The following RABGAP1L variants were observed in gnomAD, a reference collection of about 807,000 sequenced individuals.
RABGAP1L encodes RAB GTPase activating protein 1 like, also known as rab GTPase-activating protein 1-like.
RABGAP1L carries 63 observed loss-of-function variants against 137.7 expected under a neutral mutation model. The ratio of observed to expected loss-of-function variants is 0.46; its 90% CI spans 0.37 to 0.56. RABGAP1L has a LOEUF of 0.56. RABGAP1L is among the 20% of genes least tolerant of loss of function. The probability of loss-of-function intolerance (pLI) is 0.00; values close to 1 mark genes in which losing one functional copy is unlikely to be tolerated. For synonymous variants in RABGAP1L, 431 were observed against 433.7 expected (o/e 0.99, Z 0.08); for missense variants, 1,095 against 1,244.0 (o/e 0.88, Z 1.80).
intron 14 of RABGAP1L, among the ~76,000 whole-genome samples, chr1:174,662,037 A>G (rs943671641): frequency 6.6e-6 from 1 of 152,078 alleles, no homozygotes; most frequent in Non-Finnish European, 1.5e-5. Context: ...TTCTACTTAT[A>G]AAATAACCAT....
At chr1:174,742,866 A>T (rs986408833) in intron 17 of RABGAP1L, among the ~76,000 whole-genome samples, 3 of 152,228 alleles carry the variant, frequency 2.0e-5, no homozygotes, top group Non-Finnish European at 4.4e-5. Context: ...TGTTCAGGTC[A>T]TACCTCCCTA....
chr1:174,860,008 T>C (rs1650022191), intron 19 of RABGAP1L, among the ~76,000 whole-genome samples: 1 of 138,206 alleles, frequency 7.2e-6, no homozygotes, highest in Non-Finnish European at 1.5e-5. Context: ...CTATCTAAGC[T>C]CACATGGTAT....
chr1:174,858,353 CAG>C (rs1553266140), intron 19 of RABGAP1L, among the ~76,000 whole-genome samples: 1 of 152,068 alleles, frequency 6.6e-6, no homozygotes, highest in African/African-American at 2.4e-5. Flanking sequence ...TGGTCCTCAA[CAG>C]GGAGTGATTT....
At chr1:174,616,429 C>T (rs1217152952) in intron 13 of RABGAP1L, among the ~76,000 whole-genome samples, 2 of 152,206 alleles carry the variant, frequency 1.3e-5, no homozygotes, top group Non-Finnish European at 2.9e-5. Flanking sequence ...CTGCCTGCTT[C>T]TCTAATTCTG....
chr1:174,606,852 T>G (rs1670831261), intron 13 of RABGAP1L, among the ~76,000 whole-genome samples: 1 of 152,200 alleles, frequency 6.6e-6, no homozygotes, highest in Admixed American at 6.5e-5. Flanking sequence ...TTTTTGCCTC[T>G]TAATTAAATA....
chr1:174,877,567 C>A (rs372000472), intron 19 of RABGAP1L: 6 of 1,613,846 alleles, frequency 3.7e-6, no homozygotes, highest in East Asian at 4.5e-5. Context: ...TGAAGACTTC[C>A]TCACTAGTCT....
At chr1:174,335,189 A>C (rs1158769516) in intron 11 of RABGAP1L, among the ~76,000 whole-genome samples, 1 of 152,224 alleles carries the variant, frequency 6.6e-6, no homozygotes, top group Non-Finnish European at 1.5e-5. Context: ...TTAGTTCTGT[A>C]ATTGACATTT....
chr1:174,766,745 G>A (rs1271337624), intron 18 of RABGAP1L, among the ~76,000 whole-genome samples: 1 of 152,122 alleles, frequency 6.6e-6, no homozygotes, highest in Non-Finnish European at 1.5e-5. Context: ...TTTTACCTCA[G>A]TCCCTTGACA....
chr1:174,953,117 CAA>C (rs534143484), intron 19 of RABGAP1L, among the ~76,000 whole-genome samples: 116 of 147,828 alleles, frequency 7.8e-4, no homozygotes, highest in African/African-American at 2.6e-3. Context: ...AGTAAGAATA[CAA>C]AATAGGGTGA....
intron 19 of RABGAP1L, among the ~76,000 whole-genome samples, chr1:174,888,732 A>G (rs185547168): frequency 3.0e-4 from 46 of 152,160 alleles, no homozygotes; most frequent in East Asian, 5.8e-4. Flanking sequence ...TCCTGACCTC[A>G]AGTGATCCAC....
chr1:174,223,721 A>G (rs1558045561), intron 3 of RABGAP1L, among the ~76,000 whole-genome samples: 1 of 152,168 alleles, frequency 6.6e-6, no homozygotes, highest in Non-Finnish European at 1.5e-5. Context: ...TCAAATTTTC[A>G]GTTATTTTTA....
intron 13 of RABGAP1L, among the ~76,000 whole-genome samples, chr1:174,617,555 A>G (rs1418279695): frequency 6.6e-6 from 1 of 152,178 alleles, no homozygotes; most frequent in African/African-American, 2.4e-5. Flanking sequence ...TGATCCATGC[A>G]TCTTCTACTT....
intron 17 of RABGAP1L, among the ~76,000 whole-genome samples, chr1:174,729,186 A>C (rs572436031): frequency 1.3e-5 from 2 of 152,328 alleles, no homozygotes; most frequent in South Asian, 4.1e-4. Flanking sequence ...ACTTACAACT[A>C]TCTGATCTTT....
chr1:174,193,337 C>G (rs1423483313), intron 1 of RABGAP1L, among the ~76,000 whole-genome samples: 2 of 152,136 alleles, frequency 1.3e-5, no homozygotes, highest in African/African-American at 4.8e-5. Context: ...TTCAAGACCA[C>G]CCTTGCCAAC....
chr1:174,278,567 A>G, intron 9 of RABGAP1L, 46 bp from the exon 10 acceptor site: 1 of 1,480,864 alleles, frequency 6.8e-7, no homozygotes, highest in African/African-American at 1.4e-5. Context: ...TAAAGTAGAC[A>G]AGGAATAATA....
At chr1:174,304,940 T>C (rs765136010) in intron 10 of RABGAP1L, 46 bp from the exon 11 acceptor site, 2 of 1,440,540 alleles carry the variant, frequency 1.4e-6, no homozygotes, top group Non-Finnish European at 1.9e-6. Flanking sequence ...TTTCAATGTT[T>C]CCTTCAGATT....
chr1:174,383,529 T>G (rs1686413330), intron 12 of RABGAP1L, among the ~76,000 whole-genome samples: 1 of 152,178 alleles, frequency 6.6e-6, no homozygotes, highest in Admixed American at 6.5e-5. Flanking sequence ...AAGGGCAATA[T>G]TCGGGTGGGA....
At chr1:174,747,246 A>T (rs1337765195) in intron 17 of RABGAP1L, among the ~76,000 whole-genome samples, 1 of 151,990 alleles carries the variant, frequency 6.6e-6, no homozygotes, top group Non-Finnish European at 1.5e-5. Context: ...CTACGAAAAA[A>T]TTAAAAATTA....
At chr1:174,964,944 C>T (rs1439122539) in intron 20 of RABGAP1L, 2 of 1,504,324 alleles carry the variant, frequency 1.3e-6, no homozygotes, top group East Asian at 2.5e-5. Context: ...TGTCTTTGTA[C>T]CTATGATTGA....
Sources: gnomAD v4.1 joint callset for allele counts (sites outside exome capture counted in the v4.1 genomes callset) on GRCh38, gnomAD v4.1.1 for gene constraint, MANE v1.5 for transcripts, NCBI Gene and HGNC (gene_info 2026-07-23, HGNC 2026-07-21) for gene names.